ZAN: variants seen among roughly 807,000 people sequenced by gnomAD.
The protein encoded by ZAN is zonadhesin (gene/pseudogene).
Under a neutral mutation model 286.2 loss-of-function variants are expected in ZAN, and 260 were observed. The ratio of observed to expected loss-of-function variants is 0.91; its 90% confidence interval spans 0.82 to 1.01. The LOEUF (loss-of-function observed/expected upper bound fraction) is 1.01. Among genes scored for constraint, ZAN ranks in the 50% least tolerant of loss-of-function variants. The probability of loss-of-function intolerance (pLI) is 0.00; values close to 1 mark genes in which losing one functional copy is unlikely to be tolerated. For missense variants in ZAN, 3,410 were observed against 3,639.2 expected, an observed-to-expected ratio of 0.94 and a Z score of 1.62; for synonymous variants, 1,368 against 1,417.5, an observed-to-expected ratio of 0.97 and a Z score of 0.79.
chr7:100,748,057 T>C, intron 9 of ZAN, 80 bp from the exon 10 acceptor site: 3 of 1,194,980 alleles, frequency 2.5e-6, no homozygotes, highest in South Asian at 1.2e-5. Context: ...TTCTGGGTCC[T>C]GGAATGGAGT....
At position 100,779,584 on chromosome 7, in the gene ZAN, GT is replaced by G. The variant is rs1483052352; in HGVS notation, c.6457del (p.Cys2153AlafsTer5). 3.7e-6 allele frequency: 6 copies of G among 1,609,912 alleles called. No homozygotes were observed. Among genetic ancestry groups the G allele is most frequent in the Non-Finnish European group, 4.2e-6 (5 of 1,178,332 alleles). On this transcript the variant is annotated frameshift_variant, in exon 35 of 48. Transcript: ENST00000613979. LOFTEE classifies it high-confidence loss of function. ...CGCTCCGGGCTCCTGTGTGGGCCCA[GT>G]GCGCCTCCCGCATAGACCTCACGCC... ...AALRAPVWAQ[C>X]ASRIDLTPFL...
chr7:100,747,625 C>G lies in ZAN; in HGVS notation c.1007C>G (p.Ala336Gly), dbSNP rs762579546. The G allele has an allele frequency of 1.2e-4, 190 of 1,613,670 alleles. No homozygotes were observed. The highest frequency in any genetic ancestry group is 1.5e-4 in the Non-Finnish European group (173 of 1,179,802). Residue 336 changes from alanine (A) to glycine (G), a missense_variant, in exon 9 of 48, where the codon GCC becomes GGC. This residue lies in a region of ZAN where 872 missense variants were observed against 938.9 expected (regional missense o/e 0.93). Coordinates refer to ENST00000613979, the MANE Select transcript of ZAN (RefSeq NM_003386.3). ...CAGGCTGTTTCTGTCAATTACACAG[C>G]CGTGGGACGGATACAGGTACAGAGA... Reference protein sequence around the residue: ...NWQAVSVNYTAVGRIQFAVVG... With the variant: ...NWQAVSVNYTGVGRIQFAVVG...
At position 100,760,476 on chromosome 7, in the gene ZAN, C is replaced by T. The variant is rs771443188; in HGVS notation, c.3782C>T (p.Thr1261Met). 33 of 1,613,836 alleles carry T rather than the reference C, an allele frequency of 2.0e-5. No homozygotes were observed. Among genetic ancestry groups the T allele is most frequent in the East Asian group, 2.2e-5 (1 of 44,888 alleles). ...AGCGGGCGGTTTGTGGAGCTGCAGA[C>T]GGAGTTCGGTTTGCGGGTGAGATGG... ...GASGRFVELQ[T>M]EFGLRVRWDG... Residue 1261 changes from threonine to methionine, a missense_variant, in exon 19 of 48, where the codon ACG (threonine) becomes ATG (methionine). Physicochemically the swap from Thr to Met is moderately conservative, Grantham distance 81 (BLOSUM62 -1). Coordinates refer to ENST00000613979, the MANE Select transcript of ZAN (RefSeq NM_003386.3).
At chr7:100,735,688 T>C in intron 2 of ZAN, 32 bp from the exon 3 acceptor site, 1 of 1,450,528 alleles carries the variant, frequency 6.9e-7, no homozygotes, top group Non-Finnish European at 9.5e-7. Flanking sequence ...TGACACGAGT[T>C]GCATTTTTGC....
Position 100,794,123 on chromosome 7 carries a change from G to A in ZAN, c.7990G>A (p.Gly2664Ser). ...CTSNGIYYQL[G>S]SSFLTEDCSQ... ...TCCTGGCCCTTCCCCTTTCTAGCTG[G>A]GCAGCAGCTTTCTGACTGAGGACTG... is the stretch of plus-strand genomic sequence containing the variant. The change falls in exon 44 of 48, where the codon GGC becomes AGC. Residue 2664 changes from glycine (G) to serine (S), a missense_variant. Gly to Ser is a moderately conservative substitution (Grantham distance 56). Around this residue, in one of 7 missense-constraint regions of ZAN, gnomAD observed 1,289 missense variants for 1,314.3 expected, o/e 0.98. Coordinates refer to ENST00000613979, the MANE Select transcript of ZAN (RefSeq NM_003386.3). 6.2e-7 allele frequency: 1 copy of A among 1,614,006 alleles called. No homozygotes were observed. Among genetic ancestry groups the A allele is most frequent in the Non-Finnish European group, 8.5e-7 (1 of 1,179,878 alleles).
intron 37 of ZAN, among the ~76,000 whole-genome samples, chr7:100,786,583 A>ATT (rs200176700): frequency 6.6e-6 from 1 of 151,736 alleles, no homozygotes; most frequent in South Asian, 2.1e-4. Flanking sequence ...CAATTTTGCT[A>ATT]TTTTTTTTCT....
chr7:100,795,457 GATATT>G (rs1360004768), intron 45 of ZAN, 121 bp downstream of exon 45: 2 of 981,130 alleles, frequency 2.0e-6, no homozygotes, highest in Non-Finnish European at 2.6e-6. Context: ...TTATGTTACA[GATATT>G]ATATATTATA....
intron 35 of ZAN, among the ~76,000 whole-genome samples, chr7:100,784,231 G>C (rs1811411688): frequency 6.7e-6 from 1 of 150,026 alleles, no homozygotes; most frequent in African/African-American, 2.5e-5. Flanking sequence ...CCAGGTTCAA[G>C]TGATTCTCCT....
Position 100,759,719 on chromosome 7 carries a change from A to G in ZAN, c.3572-2A>G, listed in dbSNP as rs1197722647. The G allele has an allele frequency of 1.3e-6, 2 of 1,583,728 alleles. No individual in the cohort carries two copies. Among genetic ancestry groups the G allele is most frequent in the Admixed American group, 1.8e-5 (1 of 55,630 alleles). ...GCTCTCTTCATTCCTCTCCCTACCC[A>G]GACCCATTCTTCAGGGTGACAGCCA... On this transcript the variant is annotated splice_acceptor_variant, in intron 17 of 47. Transcript: ENST00000613979. LOFTEE classifies it high-confidence loss of function.
chr7:100,790,486 T>G (rs1407200585), intron 39 of ZAN, among the ~76,000 whole-genome samples: 1 of 145,310 alleles, frequency 6.9e-6, no homozygotes, highest in Non-Finnish European at 1.5e-5. Flanking sequence ...GGAGTGAACC[T>G]GGGAGGCGGA....
Position 100,767,040 on chromosome 7 carries a change from C to T in ZAN, c.4643C>T (p.Pro1548Leu). 1 of 1,613,880 alleles carries T rather than the reference C, an allele frequency of 6.2e-7. No individual in the cohort carries two copies. Among genetic ancestry groups the T allele is most frequent in the Non-Finnish European group, 8.5e-7 (1 of 1,179,848 alleles). The change falls in exon 25 of 48, where the codon CCC (proline) becomes CTC (leucine). Residue 1548 changes from proline to leucine, a missense_variant. This residue lies in a region of ZAN where 1,042 missense variants were observed against 1,058.0 expected (regional missense o/e 0.98). Transcript: ENST00000613979. ...GAATCTASGD[P>L]HYLTFDGALH... ...GCCACCTGCACAGCCTCGGGTGACC[C>T]CCACTACCTGACCTTCGATGGCGCC...
chr7:100,756,871 C>T (rs1156246394), intron 15 of ZAN, among the ~76,000 whole-genome samples: 5 of 152,146 alleles, frequency 3.3e-5, no homozygotes, highest in Admixed American at 6.6e-5. Context: ...CAGGTTCAAG[C>T]GATTCTCCTG....
chr7:100,782,955 C>T (rs1459961331), intron 35 of ZAN, among the ~76,000 whole-genome samples: 1 of 152,142 alleles, frequency 6.6e-6, no homozygotes. Context: ...AACACAAAGT[C>T]GTAATCACTG....
chr7:100,759,837 C>T lies in ZAN; in HGVS notation c.3688C>T (p.Arg1230Cys), dbSNP rs200177438. ...CACCGTCACCCTGCTTAAGGGCAGA[C>T]GCACTCTGGTGAGCCCCATTCCACC... ...ESTVTLLKGR[R>C]TLVGGQQVTL... is the part of the protein sequence containing the mutation. Residue 1230 changes from arginine to cysteine, a missense_variant, in exon 18 of 48, where the codon CGC (arginine) becomes TGC (cysteine). Coordinates refer to ENST00000613979, the MANE Select transcript of ZAN (RefSeq NM_003386.3). 51 of 1,612,372 alleles carry T rather than the reference C, an allele frequency of 3.2e-5. No individual in the cohort carries two copies. The highest frequency in any genetic ancestry group is 1.3e-4 in the East Asian group (6 of 44,826).
intron 34 of ZAN, among the ~76,000 whole-genome samples, chr7:100,777,047 G>A (rs1468847591): frequency 5.9e-5 from 7 of 119,404 alleles, no homozygotes; most frequent in African/African-American, 1.4e-4. Context: ...CCTTTCTTTC[G>A]TTCTTTTTTT....
At chr7:100,755,116 A>G (rs1450220915) in intron 14 of ZAN, 110 bp from the exon 15 acceptor site, 2 of 1,287,560 alleles carry the variant, frequency 1.6e-6, no homozygotes, top group African/African-American at 1.5e-5. Context: ...GCTAAATAAT[A>G]TGGTCCTGTT....
intron 35 of ZAN, among the ~76,000 whole-genome samples, chr7:100,781,013 G>C (rs1449133773): frequency 1.3e-5 from 2 of 151,872 alleles, no homozygotes; most frequent in African/African-American, 4.8e-5. Flanking sequence ...GAAAAACAAC[G>C]TCTTATTATT....
At chr7:100,751,330 A>G in intron 13 of ZAN, 64 bp downstream of exon 13, 3 of 1,216,986 alleles carry the variant, frequency 2.5e-6, no homozygotes, top group South Asian at 3.6e-5. Flanking sequence ...AGTTCTCTCT[A>G]TGAACTGCTT....
At chr7:100,789,126 G>A (rs1238194200) in intron 38 of ZAN, 92 bp from the exon 39 acceptor site, 33 of 1,514,972 alleles carry the variant, frequency 2.2e-5, no homozygotes, top group Non-Finnish European at 2.9e-5. Flanking sequence ...GGAGACATAT[G>A]GAGATGACTG....
Sources: allele counts gnomAD v4.1 joint callset (sites outside exome capture counted in the v4.1 genomes callset), GRCh38; gene constraint gnomAD v4.1.1; regional missense constraint gnomAD v4.1.1; transcripts MANE v1.5; gene names NCBI Gene and HGNC (gene_info 2026-07-23, HGNC 2026-07-21).